Variants in FAM135A observed in about 807,000 individuals in gnomAD.
The protein encoded by FAM135A is protein FAM135A.
In FAM135A, 79 loss-of-function variants were observed where a neutral mutation model predicts 146.8. The observed-to-expected ratio is 0.54, with a 90% CI of 0.45 to 0.65. FAM135A has a LOEUF of 0.65. Among genes scored for constraint, FAM135A ranks in the 30% least tolerant of loss-of-function variants. FAM135A has a pLI of 0.00. For synonymous variants in FAM135A, 562 were observed against 603.6 expected (o/e 0.93, Z 1.01); for missense variants, 1,623 against 1,758.2 (o/e 0.92, Z 1.38).
At chr6:70,469,809 T>G (rs1261535610) in intron 5 of FAM135A, among the ~76,000 whole-genome samples, 1 of 151,922 alleles carries the variant, frequency 6.6e-6, no homozygotes, top group African/African-American at 2.4e-5. Context: ...AAGCTACATT[T>G]AAGAAGTGTA....
chr6:70,466,788 A>G (rs1390679376), intron 5 of FAM135A, among the ~76,000 whole-genome samples: 1 of 152,230 alleles, frequency 6.6e-6, no homozygotes, highest in Non-Finnish European at 1.5e-5. Flanking sequence ...CTTCATTAGT[A>G]CACCTTCAAA....
In FAM135A at chr6:70,524,444, A is replaced by AG; in HGVS notation, c.1361dup (p.Ser454ArgfsTer20). ...AGAAAGCTCTGTAGCAGGACTTTCT[A>AG]GCCCAGAGTTGAAAGTCAGACCTGC... On this transcript the variant is annotated frameshift_variant, in exon 15 of 22. Transcript: ENST00000418814. LOFTEE classifies it high-confidence loss of function. The AG allele has an allele frequency of 6.5e-7, 1 of 1,548,860 alleles. No individual in the cohort carries two copies. Among genetic ancestry groups the AG allele is most frequent in the East Asian group, 2.4e-5 (1 of 40,906 alleles).
chr6:70,414,134 G>A, intron 1 of FAM135A: 1 of 741,252 alleles, frequency 1.3e-6, no homozygotes, highest in Non-Finnish European at 1.6e-6. Context: ...CCCTCCTTGG[G>A]AAGCAGCGTA....
At chr6:70,507,921 C>G (rs7772581) in intron 12 of FAM135A, among the ~76,000 whole-genome samples, 9,310 of 152,088 alleles carry the variant, frequency 0.061, 785 homozygotes, top group African/African-American at 0.19. Context: ...TGTAAAGAAT[C>G]TTGAGATTTT....
chr6:70,533,082 A>G, intron 16 of FAM135A, 78 bp from the exon 17 acceptor site: 1 of 1,171,630 alleles, frequency 8.5e-7, no homozygotes, highest in Non-Finnish European at 1.3e-6. Context: ...TGTCTCTAAA[A>G]ACTGTAAAAA....
chr6:70,513,553 T>TAAATAAAAC (rs1791532398), intron 12 of FAM135A, among the ~76,000 whole-genome samples: 2 of 151,956 alleles, frequency 1.3e-5, no homozygotes, highest in African/African-American at 4.8e-5. Context: ...CTTCAATTTC[T>TAAATAAAAC]CTAAAACCTG....
At chr6:70,454,592 T>C (rs1777889410) in intron 5 of FAM135A, among the ~76,000 whole-genome samples, 1 of 152,160 alleles carries the variant, frequency 6.6e-6, no homozygotes, top group African/African-American at 2.4e-5. Context: ...ATATAAGGTG[T>C]AAGGAAGGGG....
At chr6:70,455,162 T>C (rs1778057995) in intron 5 of FAM135A, among the ~76,000 whole-genome samples, 1 of 152,134 alleles carries the variant, frequency 6.6e-6, no homozygotes, top group African/African-American at 2.4e-5. Flanking sequence ...GTAAGTTGGA[T>C]TCCTAGGTAT....
At chr6:70,464,655 TTTCTTTTTTTTC>T (rs1780031959) in intron 5 of FAM135A, among the ~76,000 whole-genome samples, 1 of 108,564 alleles carries the variant, frequency 9.2e-6, no homozygotes, top group African/African-American at 3.3e-5. Flanking sequence ...TCTTTCTTTC[TTTCTTTTTTTTC>T]TTTTTTTTTT....
intron 16 of FAM135A, 114 bp downstream of exon 16, chr6:70,528,566 A>G: frequency 2.2e-6 from 2 of 892,240 alleles, no homozygotes; most frequent in Non-Finnish European, 1.6e-6. Flanking sequence ...AATTGCTTAA[A>G]TTAATTGAAT....
chr6:70,503,141 C>G (rs546609070), intron 12 of FAM135A: 1 of 159,626 alleles, frequency 6.3e-6, no homozygotes, highest in South Asian at 1.9e-4. Flanking sequence ...AAACTTATAT[C>G]TCCCTCTTCT....
intron 4 of FAM135A, among the ~76,000 whole-genome samples, chr6:70,451,999 A>G (rs958269602): frequency 3.9e-5 from 6 of 152,036 alleles, no homozygotes; most frequent in African/African-American, 1.4e-4. Flanking sequence ...TAAATAAGTA[A>G]AAGTACATAA....
intron 4 of FAM135A, among the ~76,000 whole-genome samples, chr6:70,445,497 C>T (rs972290568): frequency 3.9e-5 from 6 of 152,174 alleles, no homozygotes; most frequent in East Asian, 1.9e-4. Context: ...GATTTACCCA[C>T]GTATTTATTA....
intron 20 of FAM135A, among the ~76,000 whole-genome samples, chr6:70,556,229 A>G (rs1800798827): frequency 6.6e-6 from 1 of 152,184 alleles, no homozygotes; most frequent in Non-Finnish European, 1.5e-5. Flanking sequence ...AGCCTGGGCA[A>G]CAAAGTGAGA....
At chr6:70,559,452 A>T (rs527385718) in intron 21 of FAM135A, among the ~76,000 whole-genome samples, 1 of 152,222 alleles carries the variant, frequency 6.6e-6, no homozygotes, top group Admixed American at 6.5e-5. Flanking sequence ...AAAAATAAAA[A>T]AAAAAAAAAA....
chr6:70,544,079 T>C (rs2128458589), intron 20 of FAM135A, among the ~76,000 whole-genome samples: 1 of 151,992 alleles, frequency 6.6e-6, no homozygotes, highest in Admixed American at 6.6e-5. Context: ...TGTAAAGTGA[T>C]TCTGTAGAGT....
At position 70,438,242 on chromosome 6, in the gene FAM135A, C is replaced by T. The variant is rs184414538; in HGVS notation, c.77+9823C>T. 3.9e-3 allele frequency among the ~76,000 whole-genome samples: 597 copies of T among 152,240 alleles called. 8 individuals are homozygous for T. The highest frequency in any genetic ancestry group is 0.014 in the African/African-American group (576 of 41,548). On this transcript the variant is annotated intron_variant, in intron 4 of 21. Transcript: ENST00000418814. The stretch of plus-strand genomic sequence containing the variant: ...GATTTAAGTCCAATAATTTTCTGTT[C>T]ATAAAAGACATCTCATATTTTGAAA...
chr6:70,431,873 A>G (rs1192269438), intron 4 of FAM135A, among the ~76,000 whole-genome samples: 3 of 152,134 alleles, frequency 2.0e-5, no homozygotes, highest in Non-Finnish European at 2.9e-5. Context: ...GTTTTCAAAT[A>G]TATGTAGTGT....
chr6:70,554,898 A>G (rs1800541865), intron 20 of FAM135A, among the ~76,000 whole-genome samples: 1 of 152,198 alleles, frequency 6.6e-6, no homozygotes, highest in East Asian at 1.9e-4. Context: ...TGCTGGGATT[A>G]TAGGAGTGAG....
Sources: gnomAD v4.1 joint callset for allele counts (sites outside exome capture counted in the v4.1 genomes callset) on GRCh38, gnomAD v4.1.1 for gene constraint, MANE v1.5 for transcripts, NCBI Gene and HGNC (gene_info 2026-07-23, HGNC 2026-07-21) for gene names.